TENM3: variants seen among roughly 807,000 people sequenced by gnomAD.
TENM3 encodes the protein teneurin transmembrane protein 3.
TENM3 carries 63 observed loss-of-function variants against 255.1 expected under a neutral mutation model. The observed-to-expected ratio is 0.25, with a 90% CI of 0.20 to 0.30. TENM3 has a LOEUF of 0.30. TENM3 is among the 10% of genes least tolerant of loss of function. The probability of loss-of-function intolerance (pLI) is 1.00; values close to 1 mark genes in which losing one functional copy is unlikely to be tolerated. For synonymous variants in TENM3, 1,306 were observed against 1,322.3 expected (o/e 0.99, Z 0.27); for missense variants, 2,929 against 3,461.1 (o/e 0.85, Z 3.86).
chr4:182,426,020 A>C (rs1282307006), intron 3 of TENM3, among the ~76,000 whole-genome samples: 1 of 151,566 alleles, frequency 6.6e-6, no homozygotes, highest in African/African-American at 2.4e-5. Flanking sequence ...AAAAAAAAAA[A>C]AAAAAAAAAA....
the TENM3 span, among the ~76,000 whole-genome samples, chr4:181,515,907 G>A: frequency 6.6e-6 from 1 of 152,130 alleles, no homozygotes; most frequent in Non-Finnish European, 1.5e-5. Flanking sequence ...TATGTTCACT[G>A]CAGCACTCTT....
At chr4:182,737,785 G>C (rs1048875775) in intron 17 of TENM3, among the ~76,000 whole-genome samples, 2 of 152,078 alleles carry the variant, frequency 1.3e-5, no homozygotes, top group Non-Finnish European at 2.9e-5. Flanking sequence ...ATTTGAATTA[G>C]TTCAAATCAA....
the TENM3 span, among the ~76,000 whole-genome samples, chr4:182,075,204 T>C: frequency 3.5e-5 from 5 of 142,032 alleles, no homozygotes; most frequent in Non-Finnish European, 6.1e-5. Flanking sequence ...TTTTTTCTTT[T>C]TTTTTTTTTT....
chr4:182,715,799 C>T (rs965630111), intron 13 of TENM3, among the ~76,000 whole-genome samples: 3 of 152,024 alleles, frequency 2.0e-5, no homozygotes, highest in African/African-American at 7.2e-5. Context: ...AAGCCTGGGC[C>T]GACAGTCATT....
At chr4:181,907,115 A>C in the TENM3 span, among the ~76,000 whole-genome samples, 2 of 152,046 alleles carry the variant, frequency 1.3e-5, no homozygotes, top group South Asian at 4.2e-4. Flanking sequence ...CGAACTCCTG[A>C]CCTCAGGTTA....
At chr4:181,582,573 G>A in the TENM3 span, among the ~76,000 whole-genome samples, 1 of 151,822 alleles carries the variant, frequency 6.6e-6, no homozygotes, top group Non-Finnish European at 1.5e-5. Flanking sequence ...CTTGAAGCTG[G>A]GAGGCGGAGG....
chr4:182,790,026 T>C (rs1185218290), intron 25 of TENM3, among the ~76,000 whole-genome samples: 4 of 152,178 alleles, frequency 2.6e-5, no homozygotes, highest in African/African-American at 9.7e-5. Flanking sequence ...CTAAGTTGTA[T>C]GCTGTGCGGC....
the TENM3 span, among the ~76,000 whole-genome samples, chr4:181,684,619 G>A: frequency 6.6e-6 from 1 of 152,192 alleles, no homozygotes; most frequent in African/African-American, 2.4e-5. Flanking sequence ...TTCCGATGGG[G>A]CAACCCTTAT....
At chr4:182,394,321 C>T (rs888327359) in intron 3 of TENM3, among the ~76,000 whole-genome samples, 1 of 152,128 alleles carries the variant, frequency 6.6e-6, no homozygotes, top group Non-Finnish European at 1.5e-5. Context: ...TCCTGCCCCC[C>T]ACCTATGAAA....
the TENM3 span, among the ~76,000 whole-genome samples, chr4:181,663,536 G>A: frequency 6.6e-6 from 1 of 151,944 alleles, no homozygotes; most frequent in African/African-American, 2.4e-5. Context: ...CAAAAAGCTG[G>A]GTAGAATTTA....
chr4:182,708,324 T>G (rs1758449992), intron 12 of TENM3, among the ~76,000 whole-genome samples: 2 of 151,844 alleles, frequency 1.3e-5, no homozygotes, highest in African/African-American at 4.8e-5. Flanking sequence ...AGCTACGAGA[T>G]AGAGGCCTGG....
At chr4:181,823,201 A>G in the TENM3 span, among the ~76,000 whole-genome samples, 1 of 152,208 alleles carries the variant, frequency 6.6e-6, no homozygotes, top group Non-Finnish European at 1.5e-5. Context: ...AGATTATTCA[A>G]CAGTGATTAC....
At chr4:182,383,354 T>C (rs936641551) in intron 3 of TENM3, among the ~76,000 whole-genome samples, 8 of 151,890 alleles carry the variant, frequency 5.3e-5, no homozygotes, top group African/African-American at 1.9e-4. Flanking sequence ...AGGGGAAGGG[T>C]GAAGAAGGTG....
At chr4:182,281,751 A>AT (rs1460928639) in intron 1 of TENM3, among the ~76,000 whole-genome samples, 2 of 151,948 alleles carry the variant, frequency 1.3e-5, no homozygotes, top group Non-Finnish European at 2.9e-5. Flanking sequence ...TATTTTATTT[A>AT]TTTTCAGACG....
chr4:181,501,472 G>C, the TENM3 span, among the ~76,000 whole-genome samples: 1,929 of 151,632 alleles, frequency 0.013, 44 homozygotes, highest in African/African-American at 0.04. Flanking sequence ...TCCGCCTCCC[G>C]GGTTCAACTG....
At chr4:181,671,874 G>T in the TENM3 span, among the ~76,000 whole-genome samples, 1 of 151,992 alleles carries the variant, frequency 6.6e-6, no homozygotes, top group African/African-American at 2.4e-5. Flanking sequence ...TCATCAGCCT[G>T]GCCCAGGGAC....
At chr4:181,719,215 AAAAT>A in the TENM3 span, among the ~76,000 whole-genome samples, 9 of 149,960 alleles carry the variant, frequency 6.0e-5, no homozygotes, top group African/African-American at 7.3e-5. Context: ...TCCGTCTCAA[AAAAT>A]AAATAAATAA....
chr4:181,638,843 G>T, the TENM3 span, among the ~76,000 whole-genome samples: 2 of 152,036 alleles, frequency 1.3e-5, no homozygotes, highest in Non-Finnish European at 2.9e-5. Context: ...TCTCATATAT[G>T]AAAAAGGGCA....
chr4:182,765,205 C>G (rs543600865), intron 22 of TENM3, among the ~76,000 whole-genome samples: 2 of 151,758 alleles, frequency 1.3e-5, no homozygotes, highest in Admixed American at 1.3e-4. Flanking sequence ...TTGAGAGAGC[C>G]GAAGCTATAA....
Sources: gnomAD v4.1 joint callset for allele counts (sites outside exome capture counted in the v4.1 genomes callset) on GRCh38, gnomAD v4.1.1 for gene constraint, MANE v1.5 for transcripts, NCBI Gene and HGNC (gene_info 2026-07-23, HGNC 2026-07-21) for gene names.